Variants in BBS9 observed in about 807,000 individuals in gnomAD.
The protein encoded by BBS9 is Bardet-Biedl syndrome 9, also known as protein PTHB1.
In BBS9, 89 loss-of-function variants were observed where a neutral mutation model predicts 117.7. The ratio of observed to expected loss-of-function variants is 0.76; its 90% CI spans 0.64 to 0.90. BBS9 has a LOEUF of 0.90. BBS9 is among the 40% of genes least tolerant of loss of function. BBS9 has a pLI of 0.00. For missense variants in BBS9, 982 were observed against 1,042.2 expected, an observed-to-expected ratio of 0.94 and a Z score of 0.80; for synonymous variants, 379 against 370.9, an observed-to-expected ratio of 1.02 and a Z score of -0.25.
intron 5 of BBS9, among the ~76,000 whole-genome samples, chr7:33,252,126 G>A (rs1796312099): frequency 1.3e-5 from 2 of 151,702 alleles, no homozygotes; most frequent in Admixed American, 6.6e-5. Context: ...AAGAGAGGGA[G>A]GGGGGAGGTG....
chr7:33,355,713 G>A (rs73101668), intron 15 of BBS9, among the ~76,000 whole-genome samples: 14,591 of 151,792 alleles, frequency 0.096, 982 homozygotes, highest in Non-Finnish European at 0.15. Flanking sequence ...ACTGTAAATT[G>A]AGTTACAATG....
At chr7:33,303,217 A>T (rs1806879959) in intron 9 of BBS9, among the ~76,000 whole-genome samples, 1 of 152,312 alleles carries the variant, frequency 6.6e-6, no homozygotes, top group Admixed American at 6.5e-5. Context: ...CAATAAGGAT[A>T]ATTTCACTTT....
intron 5 of BBS9, among the ~76,000 whole-genome samples, chr7:33,201,285 C>T (rs1785806682): frequency 6.6e-6 from 1 of 152,120 alleles, no homozygotes; most frequent in Non-Finnish European, 1.5e-5. Context: ...TTGTTTAGTT[C>T]ACCCTCTTCA....
intron 21 of BBS9, among the ~76,000 whole-genome samples, chr7:33,623,410 A>G (rs974668802): frequency 3.3e-5 from 5 of 152,152 alleles, no homozygotes; most frequent in African/African-American, 1.2e-4. Context: ...TAGAACAGAA[A>G]ATACCCACAT....
At chr7:33,164,025 G>GA (rs1344117544) in intron 4 of BBS9, among the ~76,000 whole-genome samples, 1 of 152,132 alleles carries the variant, frequency 6.6e-6, no homozygotes, top group African/African-American at 2.4e-5. Context: ...ATTTTGGTAC[G>GA]TTGTGTCTTT....
chr7:33,528,585 G>A (rs979638147), intron 20 of BBS9, among the ~76,000 whole-genome samples: 1 of 152,104 alleles, frequency 6.6e-6, no homozygotes, highest in Non-Finnish European at 1.5e-5. Flanking sequence ...AAAAAAAGTA[G>A]GATTGAATAT....
chr7:33,304,835 C>G (rs1039489317), intron 9 of BBS9, among the ~76,000 whole-genome samples: 10 of 152,102 alleles, frequency 6.6e-5, no homozygotes, highest in Admixed American at 6.5e-4. Flanking sequence ...TAACCTTACC[C>G]CCAACCCCGT....
At position 33,466,063 on chromosome 7, in the gene BBS9, G is replaced by T. The variant is rs527716537; in HGVS notation, c.2116-39400G>T. ...AAAGTATATAACATTTTTTGAGAGA[G>T]AGATATATATATATATACACACATT... On this transcript the variant is annotated intron_variant, in intron 19 of 22. Transcript: ENST00000242067. 2.0e-3 allele frequency among the ~76,000 whole-genome samples: 296 copies of T among 151,720 alleles called. 1 individual carries two copies. Among genetic ancestry groups the T allele is most frequent in the Non-Finnish European group, 3.2e-3 (218 of 67,912 alleles).
At chr7:33,544,662 T>G (rs1204700629) in intron 21 of BBS9, among the ~76,000 whole-genome samples, 1 of 152,200 alleles carries the variant, frequency 6.6e-6, no homozygotes, top group African/African-American at 2.4e-5. Flanking sequence ...ATTTTTGTGC[T>G]GGTTGGCCTC....
Position 33,594,243 on chromosome 7 carries a change from A to T in BBS9, c.2522-10622A>T, listed in dbSNP as rs181185459. 2.6e-5 allele frequency among the ~76,000 whole-genome samples: 4 copies of T among 152,272 alleles called. No homozygotes were observed. The East Asian group carries it at 7.7e-4, about 29-fold the overall frequency. On this transcript the variant is annotated intron_variant, in intron 21 of 22. Transcript: ENST00000242067. ...AGGTGTGAAATGGAAATATTTTCATACATGGGTACATGCATAGTCTTAAAC... is the reference window on the plus strand; with the variant it reads ...AGGTGTGAAATGGAAATATTTTCATTCATGGGTACATGCATAGTCTTAAAC...
chr7:33,542,055 T>TG (rs1209691934), intron 21 of BBS9, among the ~76,000 whole-genome samples: 2 of 152,010 alleles, frequency 1.3e-5, no homozygotes, highest in African/African-American at 4.8e-5. Context: ...TGTAAGTTAT[T>TG]GGGGTACAGG....
At chr7:33,172,213 T>C (rs761023949) in intron 4 of BBS9, among the ~76,000 whole-genome samples, 1 of 151,884 alleles carries the variant, frequency 6.6e-6, no homozygotes, top group Non-Finnish European at 1.5e-5. Context: ...ACCCCATCTC[T>C]ACTAAAAAAT....
intron 9 of BBS9, among the ~76,000 whole-genome samples, chr7:33,323,280 T>C (rs1427572704): frequency 6.6e-6 from 1 of 152,196 alleles, no homozygotes; most frequent in African/African-American, 2.4e-5. Flanking sequence ...ATCCGATGTT[T>C]CTTTGTTTAT....
At chr7:33,245,321 C>G (rs1363606664) in intron 5 of BBS9, among the ~76,000 whole-genome samples, 8 of 151,920 alleles carry the variant, frequency 5.3e-5, no homozygotes, top group Admixed American at 5.2e-4. Flanking sequence ...TTAACCTTTC[C>G]CCTCTCTTCT....
intron 20 of BBS9, among the ~76,000 whole-genome samples, chr7:33,511,957 A>T (rs993885757): frequency 3.3e-5 from 5 of 152,210 alleles, no homozygotes; most frequent in Admixed American, 3.3e-4. Flanking sequence ...GGCAAACAAA[A>T]AGAGGAAGTC....
rs555798080 is a variant in BBS9 at position 33,208,369 on chromosome 7, A to G, written c.442+30778A>G. 1.2e-3 allele frequency among the ~76,000 whole-genome samples: 185 copies of G among 152,312 alleles called. 1 individual carries two copies. The highest frequency in any genetic ancestry group is 7.3e-5 in the Non-Finnish European group (5 of 68,034). On this transcript the variant is annotated intron_variant, in intron 5 of 22. Coordinates refer to ENST00000242067, the MANE Select transcript of BBS9 (RefSeq NM_198428.3). ...CTTTTTCTAGCAAATTCCTCTAAGTATTCGTGTTCCCAGAGGCTGCTACTT... is the reference window on the plus strand; with the variant it reads ...CTTTTTCTAGCAAATTCCTCTAAGTGTTCGTGTTCCCAGAGGCTGCTACTT...
At chr7:33,332,909 A>G (rs1814431370) in intron 9 of BBS9, among the ~76,000 whole-genome samples, 4 of 152,122 alleles carry the variant, frequency 2.6e-5, no homozygotes, top group South Asian at 4.1e-4. Flanking sequence ...GTTCTGTGGC[A>G]TTAGGTACAT....
intron 2 of BBS9, among the ~76,000 whole-genome samples, chr7:33,147,798 G>T (rs749029992): frequency 1.3e-5 from 2 of 152,172 alleles, no homozygotes; most frequent in African/African-American, 4.8e-5. Flanking sequence ...AGTAGGTTAC[G>T]AATATGCTGA....
chr7:33,447,346 C>A (rs936992526), intron 19 of BBS9, among the ~76,000 whole-genome samples: 1 of 152,192 alleles, frequency 6.6e-6, no homozygotes, highest in South Asian at 2.1e-4. Flanking sequence ...CAGAGGAAGA[C>A]AGTTTGGTTA....
Sources: allele counts gnomAD v4.1 joint callset (sites outside exome capture counted in the v4.1 genomes callset), GRCh38; gene constraint gnomAD v4.1.1; transcripts MANE v1.5; gene names NCBI Gene and HGNC (gene_info 2026-07-23, HGNC 2026-07-21).